The following H1-3 variants were observed in gnomAD, a reference collection of about 807,000 sequenced individuals.
H1-3 encodes H1.3 linker histone, cluster member.
A neutral mutation model predicts 3.6 loss-of-function variants in H1-3; 4 were observed. That is an observed-to-expected ratio of 1.12 (90% CI 0.55 to 2.57). The LOEUF is 2.57. Among genes scored for constraint, H1-3 ranks in the 30% most tolerant of loss-of-function variants. The probability of loss-of-function intolerance (pLI) is 0.02; values close to 1 mark genes in which losing one functional copy is unlikely to be tolerated. For synonymous variants in H1-3, 266 were observed against 110.0 expected, an observed-to-expected ratio of 2.42 and a Z score of -8.87; for missense variants, 670 against 274.3, an observed-to-expected ratio of 2.44 and a Z score of -10.19.
rs769482979 is a variant in H1-3, at chr6:26,234,302, G to C, written c.632C>G (p.Thr211Arg). ...CTTCGGAGCTGCCTTCTTTGCCTTTGTAACCTTCGGCTTCCCCGACTTAGG... is the reference window on the plus strand; with the variant it reads ...CTTCGGAGCTGCCTTCTTTGCCTTTCTAACCTTCGGCTTCCCCGACTTAGG... ...AKPKSGKPKV[T>R]KAKKAAPKKK Residue 211 changes from threonine (T) to arginine (R), a missense_variant, in exon 1 of 1, where the codon ACA becomes AGA. By Grantham distance (71) the Thr-to-Arg change is moderately conservative. Transcript: ENST00000244534. 6.2e-7 allele frequency: 1 copy of C among 1,607,694 alleles called. No individual in the cohort carries two copies. Among genetic ancestry groups the C allele is most frequent in the South Asian group, 1.1e-5 (1 of 90,048 alleles).
chr6:26,234,583 G>T lies in H1-3; in HGVS notation c.351C>A (p.Gly117=). The part of the protein sequence containing the change: ...KLNKKAASGE[G]KPKAKKAGAA... ...CGCCAGCCTTTTTGGCCTTGGGTTT[G>T]CCTTCCCCGGAAGCCGCTTTCTTGT... The change falls in exon 1 of 1, where the codon GGC becomes GGA. Residue 117 remains glycine (G), a synonymous_variant. Coordinates refer to ENST00000244534, the MANE Select transcript of H1-3 (RefSeq NM_005320.3). 1 of 1,613,844 alleles carries T rather than the reference G, an allele frequency of 6.2e-7. No homozygotes were observed.
chr6:26,234,380 T>A lies in H1-3; in HGVS notation c.554A>T (p.Lys185Ile). The A allele has an allele frequency of 6.3e-7, 1 of 1,594,884 alleles. No individual in the cohort carries two copies. The highest frequency in any genetic ancestry group is 8.6e-7 in the Non-Finnish European group (1 of 1,166,206). The change falls in exon 1 of 1, where the codon AAA becomes ATA. Residue 185 changes from lysine to isoleucine, a missense_variant. Lys to Ile is a moderately radical substitution (Grantham distance 102). Coordinates refer to ENST00000244534, the MANE Select transcript of H1-3 (RefSeq NM_005320.3). ...GGCCTTAGCTGGACTCTTGGCAGCT[T>A]TTTTTGGCTGAGGTGTTTTCACCTT... is the stretch of plus-strand genomic sequence containing the variant. ...AKKVKTPQPK[K>I]AAKSPAKAKA... is the part of the protein sequence containing the mutation.
rs1198930887 is a variant in H1-3, at chr6:26,234,236, TA to T, written c.*31del. On this transcript the variant is annotated 3_prime_UTR_variant, in exon 1 of 1. Transcript: ENST00000244534. ...GTGGGTGGCTCTGAAAAGAGCCGTT[TA>T]AAATTTTCAAAGGGGAACGTCCCGC... 5 of 1,568,116 alleles carry T rather than the reference TA, an allele frequency of 3.2e-6. No homozygotes were observed. Among genetic ancestry groups the T allele is most frequent in the African/African-American group, 1.4e-5 (1 of 72,326 alleles).
In H1-3 at chr6:26,234,974, T is replaced by C. The variant is rs772368103; in HGVS notation, c.-41A>G. ...GAAAAGACAATAAGTAATCTCAAACTGTCAGAACAGCATGTCCTCTACGAG... is the reference window on the plus strand; with the variant it reads ...GAAAAGACAATAAGTAATCTCAAACCGTCAGAACAGCATGTCCTCTACGAG... On this transcript the variant is annotated 5_prime_UTR_variant, in exon 1 of 1. Coordinates refer to ENST00000244534, the MANE Select transcript of H1-3 (RefSeq NM_005320.3). The C allele has an allele frequency of 6.5e-7, 1 of 1,539,262 alleles. No homozygotes were observed. Among genetic ancestry groups the C allele is most frequent in the South Asian group, 1.2e-5 (1 of 80,292 alleles).
Position 26,234,518 on chromosome 6 carries a change from G to C in H1-3, c.416C>G (p.Pro139Arg), listed in dbSNP as rs145654336. The change falls in exon 1 of 1, where the codon CCC (proline) becomes CGC (arginine). Residue 139 changes from proline (P) to arginine (R), a missense_variant. Transcript: ENST00000244534. The stretch of plus-strand genomic sequence containing the variant: ...GGTAGCGGCGCCAGCCACCTTCTTG[G>C]GCTTCTTGGCTGCCCCAGCAGGCTT... The part of the protein sequence containing the change: ...PRKPAGAAKK[P>R]KKVAGAATPK... 5.6e-6 allele frequency: 9 copies of C among 1,613,574 alleles called. No homozygotes were observed. Among genetic ancestry groups the C allele is most frequent in the Non-Finnish European group, 7.6e-6 (9 of 1,179,872 alleles).
At position 26,234,292 on chromosome 6, in the gene H1-3, C is replaced by A. The variant is rs1759722649; in HGVS notation, c.642G>T (p.Lys214Asn). The A allele has an allele frequency of 1.9e-6, 3 of 1,602,820 alleles. No homozygotes were observed. Among genetic ancestry groups the A allele is most frequent in the Non-Finnish European group, 2.5e-6 (3 of 1,176,846 alleles). Reference protein sequence around the residue: ...KSGKPKVTKAKKAAPKKK With the variant: ...KSGKPKVTKANKAAPKKK ...TTCACTTTTTCTTCGGAGCTGCCTT[C>A]TTTGCCTTTGTAACCTTCGGCTTCC... The change falls in exon 1 of 1, where the codon AAG becomes AAT. Residue 214 changes from lysine (K) to asparagine (N), a missense_variant. Physicochemically the swap from Lys to Asn is moderately conservative, Grantham distance 94 (BLOSUM62 0). Coordinates refer to ENST00000244534, the MANE Select transcript of H1-3 (RefSeq NM_005320.3).
chr6:26,234,678 T>TA lies in H1-3; in HGVS notation c.255_256insT (p.Lys86Ter). On this transcript the variant is annotated frameshift_variant, in exon 1 of 1. Coordinates refer to ENST00000244534, the MANE Select transcript of H1-3 (RefSeq NM_005320.3). LOFTEE classifies it high-confidence loss of function. ...AGAGTACCTTTGCTCACCAAGCTCT[T>TA]GAGGCCAAGCTTGATACGGCTGTTG... The TA allele has an allele frequency of 6.2e-7, 1 of 1,614,150 alleles. No individual in the cohort carries two copies. Among genetic ancestry groups the TA allele is most frequent in the Non-Finnish European group, 8.5e-7 (1 of 1,180,016 alleles).
rs1249929121 is a variant in H1-3 at position 26,234,528 on chromosome 6, C to A, written c.406G>T (p.Ala136Ser). 3.1e-6 allele frequency: 5 copies of A among 1,613,650 alleles called. No homozygotes were observed. Among genetic ancestry groups the A allele is most frequent in the Non-Finnish European group, 3.4e-6 (4 of 1,179,954 alleles). ...CCAGCCACCTTCTTGGGCTTCTTGG[C>A]TGCCCCAGCAGGCTTCCTAGGCTTG... ...AAKPRKPAGA[A>S]KKPKKVAGAA... is the part of the protein sequence containing the mutation. Residue 136 changes from alanine to serine, a missense_variant, in exon 1 of 1, where the codon GCC becomes TCC. By Grantham distance (99) the Ala-to-Ser change is moderately conservative. Transcript: ENST00000244534.
At position 26,234,796 on chromosome 6, in the gene H1-3, G is replaced by A. The variant is rs1462809306; in HGVS notation, c.138C>T (p.Thr46=). 1.9e-6 allele frequency: 3 copies of A among 1,614,202 alleles called. No homozygotes were observed. The African/African-American group carries it at 4.0e-5, about 22-fold the overall frequency. The change falls in exon 1 of 1, where the codon ACC becomes ACT. Residue 46 remains threonine, a synonymous_variant. Transcript: ENST00000244534. The part of the protein sequence containing the change: ...ASGPPVSELI[T]KAVAASKERS... ...GCTCCTTAGAAGCTGCCACTGCCTT[G>A]GTGATAAGCTCAGATACTGGGGGTC... is the stretch of plus-strand genomic sequence containing the variant.
At position 26,234,656 on chromosome 6, in the gene H1-3, G is replaced by A. The variant is rs374396004; in HGVS notation, c.278C>T (p.Thr93Ile). ...LGLKSLVSKGTLVQTKGTGAS... is the reference protein window; with the variant it reads ...LGLKSLVSKGILVQTKGTGAS... The stretch of plus-strand genomic sequence containing the variant: ...ACCGGTACCTTTGGTCTGCACCAGA[G>A]TACCTTTGCTCACCAAGCTCTTGAG... The change falls in exon 1 of 1, where the codon ACT becomes ATT. Residue 93 changes from threonine (T) to isoleucine (I), a missense_variant. Thr to Ile is a moderately conservative substitution (Grantham distance 89). Transcript: ENST00000244534. 4.3e-6 allele frequency: 7 copies of A among 1,614,070 alleles called. No individual in the cohort carries two copies. The highest frequency in any genetic ancestry group is 5.9e-6 in the Non-Finnish European group (7 of 1,180,034).
Position 26,234,979 on chromosome 6 carries a change from G to T in H1-3, c.-46C>A. 1 of 1,522,922 alleles carries T rather than the reference G, an allele frequency of 6.6e-7. No individual in the cohort carries two copies. Among genetic ancestry groups the T allele is most frequent in the East Asian group, 2.2e-5 (1 of 44,506 alleles). 94.3% of individuals were successfully genotyped at this position (1,522,922 alleles called of 1,614,324 possible). A position where few individuals can be genotyped will look rare whatever the true frequency, so the allele number is the denominator to read the frequency against. ...GACAATAAGTAATCTCAAACTGTCA[G>T]AACAGCATGTCCTCTACGAGGGAGG... is the stretch of plus-strand genomic sequence containing the variant. On this transcript the variant is annotated 5_prime_UTR_variant, in exon 1 of 1. It adds an upstream start codon to the 5' untranslated region. Coordinates refer to ENST00000244534, the MANE Select transcript of H1-3 (RefSeq NM_005320.3).
Position 26,234,733 on chromosome 6 carries a change from A to G in H1-3, c.201T>C (p.Leu67=). Residue 67 remains leucine, a synonymous_variant, in exon 1 of 1, where the codon CTT becomes CTC. Transcript: ENST00000244534. ...TTTCTACATCGTAGCCAGCAGCCGC[A>G]AGCGCTTTCTTAAGCGCGGCCAGAG... The part of the protein sequence containing the change: ...GVSLAALKKA[L]AAAGYDVEKN... 1 of 1,613,720 alleles carries G rather than the reference A, an allele frequency of 6.2e-7. No individual in the cohort carries two copies. Among genetic ancestry groups the G allele is most frequent in the South Asian group, 1.1e-5 (1 of 91,046 alleles).
At position 26,234,941 on chromosome 6, in the gene H1-3, T is replaced by C. The variant is rs2113576648; in HGVS notation, c.-8A>G. On this transcript the variant is annotated 5_prime_UTR_variant, in exon 1 of 1. Transcript: ENST00000244534. ...TGGAGCAGTCTCCGACATGTTTTTGTCTTCCCAGAAAAGACAATAAGTAAT... is the reference window on the plus strand; with the variant it reads ...TGGAGCAGTCTCCGACATGTTTTTGCCTTCCCAGAAAAGACAATAAGTAAT... The C allele has an allele frequency of 1.3e-6, 2 of 1,590,560 alleles. No homozygotes were observed. Among genetic ancestry groups the C allele is most frequent in the South Asian group, 2.3e-5 (2 of 87,624 alleles).
chr6:26,234,871 C>G lies in H1-3; in HGVS notation c.63G>C (p.Lys21Asn). Residue 21 changes from lysine (K) to asparagine (N), a missense_variant, in exon 1 of 1, where the codon AAG becomes AAC. Lys to Asn is a moderately conservative substitution (Grantham distance 94). Transcript: ENST00000244534. ...TTGCGCCTGCCTTCTTCGCCTTTTT[C>G]TTCACAGGTGTTTTTTCTGCGGGTG... is the stretch of plus-strand genomic sequence containing the variant. Reference protein sequence around the residue: ...IPAPAEKTPVKKKAKKAGATA... With the variant: ...IPAPAEKTPVNKKAKKAGATA... 4.3e-6 allele frequency: 7 copies of G among 1,613,738 alleles called. No individual in the cohort carries two copies. Among genetic ancestry groups the G allele is most frequent in the South Asian group, 1.1e-5 (1 of 91,030 alleles).
At position 26,234,705 on chromosome 6, in the gene H1-3, T is replaced by A. The variant is rs771897377; in HGVS notation, c.229A>T (p.Asn77Tyr). 6.2e-7 allele frequency: 1 copy of A among 1,613,762 alleles called. No individual in the cohort carries two copies. The highest frequency in any genetic ancestry group is 1.3e-5 in the African/African-American group (1 of 74,978). ...AGGCCAAGCTTGATACGGCTGTTGT[T>A]TTTTTCTACATCGTAGCCAGCAGCC... ...LAAAGYDVEK[N>Y]NSRIKLGLKS... Residue 77 changes from asparagine to tyrosine, a missense_variant, in exon 1 of 1, where the codon AAC (asparagine) becomes TAC (tyrosine). Physicochemically the swap from Asn to Tyr is moderately radical, Grantham distance 143. Transcript: ENST00000244534.
rs143191814 is a variant in H1-3 at position 26,234,846 on chromosome 6, T to C, written c.88A>G (p.Thr30Ala). ...CCGGATGCTTTGCGTTTCCCAGCAG[T>C]TGCGCCTGCCTTCTTCGCCTTTTTC... ...VKKKAKKAGA[T>A]AGKRKASGPP... The change falls in exon 1 of 1, where the codon ACT becomes GCT. Residue 30 changes from threonine (T) to alanine (A), a missense_variant. Physicochemically the swap from Thr to Ala is moderately conservative, Grantham distance 58. Transcript: ENST00000244534. 17 of 1,614,106 alleles carry C rather than the reference T, an allele frequency of 1.1e-5. No individual in the cohort carries two copies. The African/African-American group carries it at 1.3e-4, about 13-fold the overall frequency.
Position 26,234,537 on chromosome 6 carries a change from C to T in H1-3, c.397G>A (p.Ala133Thr), listed in dbSNP as rs142030602. Residue 133 changes from alanine to threonine, a missense_variant, in exon 1 of 1, where the codon GCT (alanine) becomes ACT (threonine). Ala to Thr is a moderately conservative substitution (Grantham distance 58). Transcript: ENST00000244534. Reference protein sequence around the residue: ...KAGAAKPRKPAGAAKKPKKVA... With the variant: ...KAGAAKPRKPTGAAKKPKKVA... Reference sequence around the variant, plus strand: ...TTCTTGGGCTTCTTGGCTGCCCCAGCAGGCTTCCTAGGCTTGGCTGCGCCA... The same window carrying T: ...TTCTTGGGCTTCTTGGCTGCCCCAGTAGGCTTCCTAGGCTTGGCTGCGCCA... The T allele has an allele frequency of 1.4e-5, 23 of 1,613,240 alleles. No homozygotes were observed. Among genetic ancestry groups the T allele is most frequent in the Middle Eastern group, 1.7e-4 (1 of 5,800 alleles).
chr6:26,234,971 A>G lies in H1-3; in HGVS notation c.-38T>C. ...CCAGAAAAGACAATAAGTAATCTCA[A>G]ACTGTCAGAACAGCATGTCCTCTAC... is the stretch of plus-strand genomic sequence containing the variant. On this transcript the variant is annotated 5_prime_UTR_variant, in exon 1 of 1. Coordinates refer to ENST00000244534, the MANE Select transcript of H1-3 (RefSeq NM_005320.3). The G allele has an allele frequency of 6.5e-7, 1 of 1,541,636 alleles. No individual in the cohort carries two copies. The highest frequency in any genetic ancestry group is 8.8e-7 in the Non-Finnish European group (1 of 1,141,684).
Position 26,234,410 on chromosome 6 carries a change from G to A in H1-3, c.524C>T (p.Ala175Val). The stretch of plus-strand genomic sequence containing the variant: ...TGGCTGAGGTGTTTTCACCTTTTTC[G>A]CACTCTTGGCCACTTTCTTGGTCCC... ...AAGTKKVAKS[A>V]KKVKTPQPKK... Residue 175 changes from alanine (A) to valine (V), a missense_variant, in exon 1 of 1, where the codon GCG (alanine) becomes GTG (valine). Physicochemically the swap from Ala to Val is moderately conservative, Grantham distance 64. Transcript: ENST00000244534. 1.2e-6 allele frequency: 2 copies of A among 1,614,114 alleles called. No homozygotes were observed. The highest frequency in any genetic ancestry group is 1.7e-6 in the Non-Finnish European group (2 of 1,180,018).
Sources: gnomAD v4.1 joint callset for allele counts on GRCh38, gnomAD v4.1.1 for gene constraint, MANE v1.5 for transcripts, NCBI Gene and HGNC (gene_info 2026-07-23, HGNC 2026-07-21) for gene names.